HMCN1: variants seen among roughly 807,000 people sequenced by gnomAD.
HMCN1 encodes hemicentin-1.
Under a neutral mutation model 625.9 loss-of-function variants are expected in HMCN1, and 321 were observed. The ratio of observed to expected loss-of-function variants is 0.51; its 90% CI spans 0.47 to 0.56. The LOEUF (loss-of-function observed/expected upper bound fraction) is 0.56. Ranked by LOEUF, HMCN1 falls within the 20% of genes least tolerant of loss-of-function variation. The probability of loss-of-function intolerance (pLI) is 0.00; values close to 1 mark genes in which losing one functional copy is unlikely to be tolerated. For synonymous variants in HMCN1, 2,425 were observed against 2,417.6 expected (o/e 1.00, Z -0.09); for missense variants, 6,588 against 6,887.3 (o/e 0.96, Z 1.54).
At chr1:185,869,051 A>G (rs1571474708) in intron 4 of HMCN1, among the ~76,000 whole-genome samples, 2 of 152,140 alleles carry the variant, frequency 1.3e-5, no homozygotes, top group African/African-American at 4.8e-5. Flanking sequence ...CACCTCACCA[A>G]TTGTTGCAGG....
rs116674368 is a variant in HMCN1 at position 185,885,682 on chromosome 1, T to C, written c.621+19819T>C. On this transcript the variant is annotated intron_variant, in intron 4 of 106. Transcript: ENST00000271588. Reference sequence around the variant, plus strand: ...ATTTATAAACATCACTGTATGTCTATAACTAGGTGAATCAGAAGATTTTGG... The same window carrying C: ...ATTTATAAACATCACTGTATGTCTACAACTAGGTGAATCAGAAGATTTTGG... Among the ~76,000 whole-genome samples, 114 of 152,160 alleles carry C rather than the reference T, an allele frequency of 7.5e-4. 1 individual carries two copies. The highest frequency in any genetic ancestry group is 4.1e-4 in the South Asian group (2 of 4,826).
chr1:185,817,039 A>G (rs1659886995), intron 1 of HMCN1, among the ~76,000 whole-genome samples: 1 of 152,202 alleles, frequency 6.6e-6, no homozygotes, highest in Non-Finnish European at 1.5e-5. Flanking sequence ...GAAGCTCAGT[A>G]AATATTTGCA....
intron 52 of HMCN1, among the ~76,000 whole-genome samples, chr1:186,071,958 T>C (rs1214038281): frequency 1.3e-5 from 2 of 152,152 alleles, no homozygotes; most frequent in Non-Finnish European, 2.9e-5. Flanking sequence ...CATTAAAAAC[T>C]GGGTAAAGAC....
chr1:185,953,653 G>A (rs975662698), intron 11 of HMCN1, among the ~76,000 whole-genome samples: 5 of 151,774 alleles, frequency 3.3e-5, no homozygotes, highest in Admixed American at 6.6e-5. Context: ...TGGGCTGGTC[G>A]GTCTGAGGAC....
chr1:186,172,266 A>G, intron 102 of HMCN1, 135 bp downstream of exon 102: 2 of 1,205,224 alleles, frequency 1.7e-6, no homozygotes, highest in Non-Finnish European at 2.4e-6. Flanking sequence ...AGTACTCCCA[A>G]CTTCTAGGAT....
At chr1:186,173,640 CA>C (rs762258823) in intron 102 of HMCN1, among the ~76,000 whole-genome samples, 71 of 74,688 alleles carry the variant, frequency 9.5e-4, no homozygotes, top group Admixed American at 1.4e-3. Context: ...GACTCCATCT[CA>C]AAAAAAAAAA....
In HMCN1 at chr1:186,145,635, C is replaced by G. The variant is rs1025784767; in HGVS notation, c.14437+62C>G. On this transcript the variant is annotated intron_variant, in intron 92 of 106. Transcript: ENST00000271588. ...GCATTTCATTTAGTGCTCATTGTAG[C>G]AGGCCTATTGCTTCAGACCTTAAAA... 19 of 1,608,748 alleles carry G rather than the reference C, an allele frequency of 1.2e-5. No individual in the cohort carries two copies. The South Asian group carries it at 1.9e-4, about 16-fold the overall frequency.
In HMCN1 at chr1:186,152,762, A is replaced by G; in HGVS notation, c.14909A>G (p.Gln4970Arg). 6.2e-7 allele frequency: 1 copy of G among 1,613,976 alleles called. No individual in the cohort carries two copies. The highest frequency in any genetic ancestry group is 8.5e-7 in the Non-Finnish European group (1 of 1,179,856). ...QVEFATGEIL[Q>R]MSHIARGLDS... ...TTGTAATTCCCAGGAGAAATCTTGC[A>G]GATGAGTCATATTGCCCGGGGCTTG... Residue 4970 changes from glutamine to arginine, a missense_variant, in exon 96 of 107, where the codon CAG becomes CGG. By Grantham distance (43) the Gln-to-Arg change is conservative. Coordinates refer to ENST00000271588, the MANE Select transcript of HMCN1 (RefSeq NM_031935.3).
intron 89 of HMCN1, among the ~76,000 whole-genome samples, chr1:186,139,901 GAC>G (rs1353473668): frequency 2.0e-5 from 3 of 151,940 alleles, no homozygotes; most frequent in Non-Finnish European, 4.4e-5. Flanking sequence ...GCCAGCCTAA[GAC>G]AGCCTTTCTC....
At chr1:185,961,541 ATTTAC>A (rs2102555787) in intron 11 of HMCN1, among the ~76,000 whole-genome samples, 1 of 152,288 alleles carries the variant, frequency 6.6e-6, no homozygotes, top group South Asian at 2.1e-4. Context: ...CTGGAAATTA[ATTTAC>A]TTTTGTTTAC....
At chr1:186,130,257 A>G (rs1661859481) in intron 84 of HMCN1, among the ~76,000 whole-genome samples, 157 bp downstream of exon 84, 1 of 152,176 alleles carries the variant, frequency 6.6e-6, no homozygotes, top group Admixed American at 6.5e-5. Flanking sequence ...AAAATTATGA[A>G]CATTCAACTC....
intron 102 of HMCN1, among the ~76,000 whole-genome samples, chr1:186,173,476 A>C (rs1167852819): frequency 6.6e-6 from 1 of 151,816 alleles, no homozygotes; most frequent in African/African-American, 2.4e-5. Context: ...CCTCATCTCT[A>C]CTAAAAATAC....
In HMCN1 at chr1:186,117,579, T is replaced by C. The variant is rs1661194446; in HGVS notation, c.11804T>C (p.Ile3935Thr). 1 of 1,613,828 alleles carries C rather than the reference T, an allele frequency of 6.2e-7. No homozygotes were observed. The highest frequency in any genetic ancestry group is 1.7e-5 in the Admixed American group (1 of 59,988). Residue 3935 changes from isoleucine to threonine, a missense_variant, in exon 77 of 107, where the codon ATA becomes ACA. Physicochemically the swap from Ile to Thr is moderately conservative, Grantham distance 89. Transcript: ENST00000271588. Reference protein sequence around the residue: ...FPSIHWTKNGIRLLPRGDGYR... With the variant: ...FPSIHWTKNGTRLLPRGDGYR... ...TCAATTCACTGGACCAAAAATGGTA[T>C]AAGACTGCTTCCCAGGGGAGATGGC...
intron 1 of HMCN1, among the ~76,000 whole-genome samples, chr1:185,815,012 G>A (rs1659758906): frequency 6.7e-6 from 1 of 150,062 alleles, no homozygotes; most frequent in African/African-American, 2.5e-5. Context: ...GAATAATTTA[G>A]GGGTTATAGA....
At position 186,068,011 on chromosome 1, in the gene HMCN1, A is replaced by G. The variant is rs1389915119; in HGVS notation, c.7879+4A>G. The G allele has an allele frequency of 2.5e-6, 4 of 1,611,522 alleles. No homozygotes were observed. The African/African-American group carries it at 5.3e-5, about 21-fold the overall frequency. On this transcript the variant is annotated splice_donor_region_variant and intron_variant, in intron 50 of 106. Coordinates refer to ENST00000271588, the MANE Select transcript of HMCN1 (RefSeq NM_031935.3). ...CGAAATATTCGTATTCTTCCAGGTA[A>G]TTCATTTGCTTCAGATGTCCAAGAT... is the stretch of plus-strand genomic sequence containing the variant.
In HMCN1 at chr1:186,119,190, G is replaced by A; in HGVS notation, c.11849-1G>A. On this transcript the variant is annotated splice_acceptor_variant, in intron 77 of 106. Coordinates refer to ENST00000271588, the MANE Select transcript of HMCN1 (RefSeq NM_031935.3). LOFTEE classifies it high-confidence loss of function. ...ATTAAAACATTTTTTTTCATTTTTA[G>A]GAGCAATTGAAATACTTGCCACCCA... The A allele has an allele frequency of 6.2e-7, 1 of 1,608,780 alleles. No individual in the cohort carries two copies. Among genetic ancestry groups the A allele is most frequent in the East Asian group, 2.2e-5 (1 of 44,844 alleles).
At chr1:186,078,354 G>T in intron 55 of HMCN1, 134 bp downstream of exon 55, 1 of 695,496 alleles carries the variant, frequency 1.4e-6, no homozygotes, top group East Asian at 2.7e-5. Context: ...TCCCAAGGAG[G>T]TAATTATCTT....
At chr1:186,064,296 A>T (rs1657964522) in intron 48 of HMCN1, among the ~76,000 whole-genome samples, 1 of 151,976 alleles carries the variant, frequency 6.6e-6, no homozygotes, top group Non-Finnish European at 1.5e-5. Context: ...CTTAATATTT[A>T]ACATAGATCT....
chr1:186,081,277 A>G lies in HMCN1; in HGVS notation c.8670A>G (p.Ala2890=), dbSNP rs764393978. The G allele has an allele frequency of 1.9e-6, 3 of 1,613,662 alleles. No individual in the cohort carries two copies. Among genetic ancestry groups the G allele is most frequent in the South Asian group, 1.1e-5 (1 of 91,072 alleles). ...TCACCGTGCTGGTGAACAAGAGTGC[A>G]CTGATAGAGTGTTTATCCAGTGGCA... ...EEVTVLVNKS[A]LIECLSSGSP... Residue 2890 remains alanine, a synonymous_variant, in exon 56 of 107, where the codon GCA becomes GCG. Coordinates refer to ENST00000271588, the MANE Select transcript of HMCN1 (RefSeq NM_031935.3).
Sources: allele counts gnomAD v4.1 joint callset (sites outside exome capture counted in the v4.1 genomes callset), GRCh38; gene constraint gnomAD v4.1.1; transcripts MANE v1.5; gene names NCBI Gene and HGNC (gene_info 2026-07-23, HGNC 2026-07-21).